CRB1: variants seen among roughly 807,000 people sequenced by gnomAD.
CRB1 encodes crumbs cell polarity complex component 1.
Under a neutral mutation model 120.0 loss-of-function variants are expected in CRB1, and 83 were observed. The observed-to-expected ratio is 0.69, with a 90% CI of 0.58 to 0.83. CRB1 has a LOEUF of 0.83. CRB1 is among the 40% of genes least tolerant of loss of function. The pLI is 0.00. For missense variants in CRB1, 1,699 were observed against 1,687.6 expected (o/e 1.01, Z -0.12); for synonymous variants, 625 against 612.5 (o/e 1.02, Z -0.30).
At chr1:197,244,080 G>T in the CRB1 span, among the ~76,000 whole-genome samples, 1 of 152,104 alleles carries the variant, frequency 6.6e-6, no homozygotes, top group Admixed American at 6.6e-5. Flanking sequence ...TTGCACATTA[G>T]ATGTGTCTCC....
At chr1:197,205,312 C>T in the CRB1 span, among the ~76,000 whole-genome samples, 5 of 152,026 alleles carry the variant, frequency 3.3e-5, no homozygotes, top group Non-Finnish European at 5.9e-5. Context: ...GAGTGGGCAT[C>T]GTTATTTTGT....
chr1:197,205,870 T>C, the CRB1 span, among the ~76,000 whole-genome samples: 1 of 151,910 alleles, frequency 6.6e-6, no homozygotes, highest in Admixed American at 6.6e-5. Context: ...TGCGAATCCA[T>C]CTGGTCCTGG....
At chr1:197,408,530 T>C (rs1444674396) in intron 5 of CRB1, among the ~76,000 whole-genome samples, 1 of 152,186 alleles carries the variant, frequency 6.6e-6, no homozygotes, top group Non-Finnish European at 1.5e-5. Context: ...TTTTCATGGC[T>C]GTACAAAATT....
chr1:197,295,233 C>G (rs1453169124), intron 1 of CRB1, among the ~76,000 whole-genome samples: 1 of 151,936 alleles, frequency 6.6e-6, no homozygotes. Context: ...GTCATGTTGC[C>G]TTCTAGCTTG....
the CRB1 span, among the ~76,000 whole-genome samples, chr1:197,255,996 T>TATATATATATATATATATAC: frequency 4.4e-3 from 513 of 116,414 alleles, 5 homozygotes; most frequent in Non-Finnish European, 6.4e-3. Flanking sequence ...TATATATATA[T>TATATATATATATATATATAC]ACACTACAAT....
Position 197,429,577 on chromosome 1 carries a change from C to G in CRB1, c.2805C>G (p.His935Gln), listed in dbSNP as rs767706271. The change falls in exon 8 of 12, where the codon CAC (histidine) becomes CAG (glutamine). Residue 935 changes from histidine (H) to glutamine (Q), a missense_variant. Physicochemically the swap from His to Gln is conservative, Grantham distance 24 (BLOSUM62 0). Transcript: ENST00000367400. Reference protein sequence around the residue: ...VQWCGFSPCPHGAQCQPVLQG... With the variant: ...VQWCGFSPCPQGAQCQPVLQG... ...GGTGTGGATTCAGCCCGTGTCCTCACGGAGCCCAGTGCCAGCCGGTGCTTC... is the reference window on the plus strand; with the variant it reads ...GGTGTGGATTCAGCCCGTGTCCTCAGGGAGCCCAGTGCCAGCCGGTGCTTC... 1 of 1,613,886 alleles carries G rather than the reference C, an allele frequency of 6.2e-7. No individual in the cohort carries two copies. Among genetic ancestry groups the G allele is most frequent in the African/African-American group, 1.3e-5 (1 of 74,884 alleles).
At chr1:197,408,180 T>C (rs1306436234) in intron 5 of CRB1, among the ~76,000 whole-genome samples, 1 of 152,126 alleles carries the variant, frequency 6.6e-6, no homozygotes, top group Non-Finnish European at 1.5e-5. Context: ...AGCTCAGATG[T>C]TCAAGGACAA....
rs1571758673 is a variant in CRB1, at chr1:197,281,148, T to C, written c.70+12666T>C. Among the ~76,000 whole-genome samples the C allele has an allele frequency of 2.0e-5, 3 of 151,900 alleles. No homozygotes were observed. In the South Asian group the frequency reaches 6.2e-4, roughly 31 times the overall value. ...TGAAAGTTGGTCGATTATTGATTCT[T>C]AAAGTGTGGCAAAGACTGATGTGAG... On this transcript the variant is annotated intron_variant, in intron 1 of 11. Transcript: ENST00000367400.
intron 5 of CRB1, among the ~76,000 whole-genome samples, chr1:197,391,115 A>C (rs553353809): frequency 6.0e-4 from 91 of 152,222 alleles, no homozygotes; most frequent in South Asian, 5.2e-3. Flanking sequence ...GAGACCAGAA[A>C]CACAATTCCT....
intron 5 of CRB1, among the ~76,000 whole-genome samples, chr1:197,372,448 C>G (rs1399349583): frequency 1.3e-5 from 2 of 152,192 alleles, no homozygotes; most frequent in African/African-American, 4.8e-5. Flanking sequence ...GGGACAGACT[C>G]TAGTTCAGAA....
intron 2 of CRB1, among the ~76,000 whole-genome samples, chr1:197,334,487 T>G (rs948062116): frequency 2.0e-5 from 3 of 152,090 alleles, no homozygotes; most frequent in South Asian, 2.1e-4. Flanking sequence ...AAAAAGGGCT[T>G]TTTGGAGTGG....
intron 11 of CRB1, among the ~76,000 whole-genome samples, chr1:197,466,276 G>A (rs910951753): frequency 1.3e-5 from 2 of 152,202 alleles, no homozygotes; most frequent in African/African-American, 4.8e-5. Flanking sequence ...GCAGGTCTGA[G>A]GCATAAATGG....
chr1:197,460,577 A>G (rs989984946), intron 11 of CRB1, among the ~76,000 whole-genome samples: 20 of 152,126 alleles, frequency 1.3e-4, no homozygotes, highest in African/African-American at 4.6e-4. Context: ...TGCCTCATTT[A>G]GTTCTAACCA....
chr1:197,396,183 T>TAA (rs1444313803), intron 5 of CRB1, among the ~76,000 whole-genome samples: 5 of 152,174 alleles, frequency 3.3e-5, no homozygotes, highest in African/African-American at 1.2e-4. Flanking sequence ...GTTGTTTTTA[T>TAA]ACGCTAGCAT....
chr1:197,202,820 G>A, the CRB1 span, among the ~76,000 whole-genome samples: 1 of 152,120 alleles, frequency 6.6e-6, no homozygotes, highest in Non-Finnish European at 1.5e-5. Flanking sequence ...ATTTAAAATG[G>A]GTGGCAGGGG....
At chr1:197,322,724 G>C (rs1233159086) in intron 1 of CRB1, among the ~76,000 whole-genome samples, 1 of 152,020 alleles carries the variant, frequency 6.6e-6, no homozygotes, top group Non-Finnish European at 1.5e-5. Context: ...TAAATGCCAA[G>C]TCTGAGGCCC....
intron 1 of CRB1, among the ~76,000 whole-genome samples, chr1:197,311,165 A>C (rs664767): frequency 0.69 from 104,946 of 152,034 alleles, 36,437 homozygotes; most frequent in East Asian, 0.92. Context: ...GGATTCATAC[A>C]GAAAATATGA....
At chr1:197,212,261 C>T in the CRB1 span, among the ~76,000 whole-genome samples, 85 of 152,148 alleles carry the variant, frequency 5.6e-4, 1 homozygote, top group East Asian at 0.014. Flanking sequence ...ACAAACTAAC[C>T]ATTCCATCCT....
At chr1:197,416,842 T>G (rs1224056663) in intron 5 of CRB1, among the ~76,000 whole-genome samples, 2 of 152,118 alleles carry the variant, frequency 1.3e-5, no homozygotes, top group Non-Finnish European at 2.9e-5. Flanking sequence ...CTTGAGTAGC[T>G]GGGATTACAG....
Sources: gnomAD v4.1 joint callset for allele counts (sites outside exome capture counted in the v4.1 genomes callset) on GRCh38, gnomAD v4.1.1 for gene constraint, MANE v1.5 for transcripts, NCBI Gene and HGNC (gene_info 2026-07-23, HGNC 2026-07-21) for gene names.